Variants in TTC29 observed in about 807,000 individuals in gnomAD.
TTC29 encodes the protein tetratricopeptide repeat protein 29.
A neutral mutation model predicts 58.1 loss-of-function variants in TTC29; 49 were observed. That is an observed-to-expected ratio of 0.84 (90% CI 0.67 to 1.07). The LOEUF (loss-of-function observed/expected upper bound fraction) is 1.07, where lower values mean the gene tolerates loss of function less well. TTC29 is among the 50% of genes least tolerant of loss of function. The pLI is 0.00. For missense variants in TTC29, 582 were observed against 555.6 expected (o/e 1.05, Z -0.48); for synonymous variants, 209 against 196.8 (o/e 1.06, Z -0.52).
intron 11 of TTC29, among the ~76,000 whole-genome samples, chr4:146,737,955 C>T (rs1744846884): frequency 1.3e-5 from 2 of 152,120 alleles, no homozygotes; most frequent in African/African-American, 4.8e-5. Context: ...TGTCAGCGTT[C>T]CTAAGGACTG....
At chr4:146,764,987 A>T (rs1364348303) in intron 11 of TTC29, among the ~76,000 whole-genome samples, 1 of 152,068 alleles carries the variant, frequency 6.6e-6, no homozygotes, top group Non-Finnish European at 1.5e-5. Flanking sequence ...TGTTAACTTT[A>T]AGTTTAGCCA....
In TTC29 at chr4:146,937,641, A is replaced by G. The variant is rs1363319964; in HGVS notation, c.129T>C (p.His43=). The change falls in exon 4 of 13, where the codon CAT becomes CAC. Residue 43 remains histidine, a synonymous_variant. Coordinates refer to ENST00000325106, the MANE Select transcript of TTC29 (RefSeq NM_031956.4). ...ATCCTTTGAAATTTACCTCTAGATA[A>G]TGATCTATGTCATCTTTTTCTTTGA... ...QLIKEKDDID[H]YLEVNFKGLS... 1 of 1,541,798 alleles carries G rather than the reference A, an allele frequency of 6.5e-7. No individual in the cohort carries two copies. Among genetic ancestry groups the G allele is most frequent in the Admixed American group, 2.0e-5 (1 of 49,546 alleles).
chr4:146,840,939 TA>T (rs2150168787), intron 8 of TTC29, among the ~76,000 whole-genome samples: 1 of 152,300 alleles, frequency 6.6e-6, no homozygotes, highest in African/African-American at 2.4e-5. Context: ...AAGTGTGCTT[TA>T]AAAAGCATTC....
intron 6 of TTC29, among the ~76,000 whole-genome samples, chr4:146,892,715 A>G (rs1732465999): frequency 6.6e-6 from 1 of 152,214 alleles, no homozygotes; most frequent in Non-Finnish European, 1.5e-5. Context: ...AATAAACGAT[A>G]TTCAATTAGG....
In TTC29 at chr4:146,716,058, GA is replaced by G. The variant is rs573761582; in HGVS notation, c.1331-8508del. On this transcript the variant is annotated intron_variant, in intron 11 of 12. Coordinates refer to ENST00000325106, the MANE Select transcript of TTC29 (RefSeq NM_031956.4). ...ACTTTTCATTTAAATATTCTGGATAGAAAAAAAATAAGATTTGAAAAATCAA... is the reference window on the plus strand; with the variant it reads ...ACTTTTCATTTAAATATTCTGGATAGAAAAAAATAAGATTTGAAAAATCAA... Among the ~76,000 whole-genome samples, 144 of 151,648 alleles carry G rather than the reference GA, an allele frequency of 9.5e-4. 2 individuals carry two copies. Among genetic ancestry groups the G allele is most frequent in the African/African-American group, 3.0e-3 (123 of 41,408 alleles).
At chr4:146,796,589 G>A (rs1013817890) in intron 11 of TTC29, among the ~76,000 whole-genome samples, 2 of 152,024 alleles carry the variant, frequency 1.3e-5, no homozygotes, top group African/African-American at 4.8e-5. Context: ...TTTTGGGTGG[G>A]AGGCATTTTT....
At chr4:146,924,420 G>T (rs1164068370) in intron 4 of TTC29, among the ~76,000 whole-genome samples, 2 of 151,752 alleles carry the variant, frequency 1.3e-5, no homozygotes, top group African/African-American at 4.8e-5. Flanking sequence ...TTTAACTATA[G>T]ATTTAATGTC....
rs766571280 is a variant in TTC29 at position 146,820,113 on chromosome 4, A to G, written c.1101+12T>C. 159 of 1,611,934 alleles carry G rather than the reference A, an allele frequency of 9.9e-5. No individual in the cohort carries two copies. The highest frequency in any genetic ancestry group is 1.3e-4 in the Non-Finnish European group (151 of 1,179,724). On this transcript the variant is annotated intron_variant, in intron 10 of 12. Coordinates refer to ENST00000325106, the MANE Select transcript of TTC29 (RefSeq NM_031956.4). ...GCAAATTTCTCTATAAACAAGAAACACATAGACTCACTTTTTCATTGTAGA... is the reference window on the plus strand; with the variant it reads ...GCAAATTTCTCTATAAACAAGAAACGCATAGACTCACTTTTTCATTGTAGA...
At chr4:146,866,850 C>G (rs1345234619) in intron 8 of TTC29, among the ~76,000 whole-genome samples, 1 of 152,030 alleles carries the variant, frequency 6.6e-6, no homozygotes, top group African/African-American at 2.4e-5. Flanking sequence ...AGGTGAAATG[C>G]TTTAAATACA....
intron 9 of TTC29, among the ~76,000 whole-genome samples, chr4:146,823,705 T>G (rs1751992018): frequency 6.6e-6 from 1 of 152,254 alleles, no homozygotes; most frequent in South Asian, 2.1e-4. Flanking sequence ...ATGGCCATTT[T>G]CATGATACTG....
intron 8 of TTC29, among the ~76,000 whole-genome samples, chr4:146,845,748 T>C (rs1029821053): frequency 6.6e-6 from 1 of 152,128 alleles, no homozygotes; most frequent in Non-Finnish European, 1.5e-5. Context: ...CCCTTGTTAA[T>C]TGCAGGCCCC....
rs1370034972 is a variant in TTC29 at position 146,945,705 on chromosome 4, GAA to G, written c.-54+2_-54+3del. 2.6e-5 allele frequency: 4 copies of G among 152,576 alleles called. No homozygotes were observed. Among genetic ancestry groups the G allele is most frequent in the African/African-American group, 9.6e-5 (4 of 41,582 alleles). The allele number at this position is 152,576 out of a possible 1,614,324, so 9.5% of individuals were successfully genotyped here. A position where few individuals can be genotyped will look rare whatever the true frequency, so the allele number is the denominator to read the frequency against. On this transcript the variant is annotated splice_donor_variant and splice_donor_region_variant and intron_variant, in intron 1 of 12. Coordinates refer to ENST00000325106, the MANE Select transcript of TTC29 (RefSeq NM_031956.4). LOFTEE classifies it low-confidence loss of function (5UTR_SPLICE). ...GTCCCAACCTCGCCCCTGCCGTCAC[GAA>G]CCTCGGTGCACTGGCCCAGGGAAAC...
chr4:146,832,077 G>T (rs1728202291), intron 9 of TTC29, among the ~76,000 whole-genome samples: 1 of 152,072 alleles, frequency 6.6e-6, no homozygotes, highest in African/African-American at 2.4e-5. Context: ...CTCCAGTTAT[G>T]CTGGAACACA....
At chr4:146,845,766 G>A (rs1399102086) in intron 8 of TTC29, among the ~76,000 whole-genome samples, 1 of 151,994 alleles carries the variant, frequency 6.6e-6, no homozygotes. Context: ...CCCGCTGCCT[G>A]CATTGTTCTT....
chr4:146,717,786 A>G (rs1743043860), intron 11 of TTC29, among the ~76,000 whole-genome samples: 1 of 152,142 alleles, frequency 6.6e-6, no homozygotes, highest in African/African-American at 2.4e-5. Context: ...TCTGAAATGT[A>G]CAATACATTA....
chr4:146,852,608 G>C (rs905326626), intron 8 of TTC29, among the ~76,000 whole-genome samples: 11 of 152,194 alleles, frequency 7.2e-5, no homozygotes, highest in African/African-American at 2.2e-4. Context: ...GCTCCAATGA[G>C]GGAACAACAG....
chr4:146,873,340 G>A (rs1731057395), intron 7 of TTC29, among the ~76,000 whole-genome samples: 1 of 152,122 alleles, frequency 6.6e-6, no homozygotes, highest in Non-Finnish European at 1.5e-5. Flanking sequence ...GATGAAAAAT[G>A]TGGGGACAAA....
intron 6 of TTC29, among the ~76,000 whole-genome samples, chr4:146,875,680 T>G (rs903905554): frequency 6.6e-6 from 1 of 152,272 alleles, no homozygotes; most frequent in African/African-American, 2.4e-5. Context: ...CGCCTTAAAC[T>G]GCTTCTCAAA....
At chr4:146,875,589 ATCCT>A (rs530295568) in intron 6 of TTC29, among the ~76,000 whole-genome samples, 63 of 152,098 alleles carry the variant, frequency 4.1e-4, no homozygotes, top group Non-Finnish European at 7.1e-4. Flanking sequence ...AGCTCAAGCG[ATCCT>A]TCCACCTCAG....
Sources: gnomAD v4.1 joint callset for allele counts (sites outside exome capture counted in the v4.1 genomes callset) on GRCh38, gnomAD v4.1.1 for gene constraint, MANE v1.5 for transcripts, NCBI Gene and HGNC (gene_info 2026-07-23, HGNC 2026-07-21) for gene names.